The following AGTPBP1 variants were observed in gnomAD, a reference collection of about 807,000 sequenced individuals.
AGTPBP1 encodes cytosolic carboxypeptidase 1.
In AGTPBP1, 70 loss-of-function variants were observed where a neutral mutation model predicts 143.9. The ratio of observed to expected loss-of-function variants is 0.49; its 90% CI spans 0.40 to 0.59. The LOEUF (loss-of-function observed/expected upper bound fraction) is 0.59, where lower values mean the gene tolerates loss of function less well. AGTPBP1 is among the 20% of genes least tolerant of loss of function. The pLI is 0.00. For missense variants in AGTPBP1, 1,229 were observed against 1,464.5 expected, an observed-to-expected ratio of 0.84 and a Z score of 2.62; for synonymous variants, 463 against 500.2, an observed-to-expected ratio of 0.93 and a Z score of 0.99.
At chr9:85,698,514 A>G (rs758500631) in intron 2 of AGTPBP1, among the ~76,000 whole-genome samples, 4 of 152,074 alleles carry the variant, frequency 2.6e-5, no homozygotes, top group Non-Finnish European at 5.9e-5. Context: ...ACCAGAGGGC[A>G]GCTCTACCAT....
chr9:85,739,322 G>A (rs1824053959), intron 1 of AGTPBP1, among the ~76,000 whole-genome samples: 1 of 152,192 alleles, frequency 6.6e-6, no homozygotes, highest in African/African-American at 2.4e-5. Flanking sequence ...TGCATCCATT[G>A]CTATTCACGC....
chr9:85,671,387 A>AG (rs1172726530), intron 7 of AGTPBP1, among the ~76,000 whole-genome samples: 1 of 152,068 alleles, frequency 6.6e-6, no homozygotes, highest in Non-Finnish European at 1.5e-5. Flanking sequence ...TTCATTGGTT[A>AG]GATATCTAAT....
chr9:85,781,342 C>T, the AGTPBP1 span: 50 of 1,562,514 alleles, frequency 3.2e-5, no homozygotes, highest in Non-Finnish European at 3.8e-5. Context: ...GGAAGCAATT[C>T]GGCGGCAACT....
intron 1 of AGTPBP1, among the ~76,000 whole-genome samples, chr9:85,713,486 G>A (rs532671255): frequency 2.0e-5 from 3 of 152,268 alleles, no homozygotes; most frequent in African/African-American, 4.8e-5. Context: ...AGCCAAGATC[G>A]TACCATTGTA....
At chr9:85,705,700 G>GT (rs1009729505) in intron 2 of AGTPBP1, among the ~76,000 whole-genome samples, 2 of 151,642 alleles carry the variant, frequency 1.3e-5, no homozygotes, top group Admixed American at 6.6e-5. Context: ...GTTTTTTTGG[G>GT]TTTTTTTTGA....
At chr9:85,631,028 C>T (rs1831642277) in intron 14 of AGTPBP1, among the ~76,000 whole-genome samples, 1 of 152,202 alleles carries the variant, frequency 6.6e-6, no homozygotes, top group Admixed American at 6.5e-5. Context: ...AAAAACAACC[C>T]TACCTCTATT....
rs747142693 is a variant in AGTPBP1, at chr9:85,632,938, A to G, written c.1739T>C (p.Val580Ala). The G allele has an allele frequency of 6.2e-7, 1 of 1,613,994 alleles. No individual in the cohort carries two copies. Among genetic ancestry groups the G allele is most frequent in the Non-Finnish European group, 8.5e-7 (1 of 1,180,022 alleles). ...ACPHMATCGN[V>A]LFEGRTVQLG... The stretch of plus-strand genomic sequence containing the variant: ...CTGAACTGTTCTTCCCTCAAACAGA[A>G]CATTTCCACAAGTAGCCATGTGTGG... Residue 580 changes from valine (V) to alanine (A), a missense_variant, in exon 14 of 26, where the codon GTT becomes GCT. Physicochemically the swap from Val to Ala is moderately conservative, Grantham distance 64. Around this residue, in one of 2 missense-constraint regions of AGTPBP1, gnomAD observed 743 missense variants for 812.2 expected, o/e 0.91. Transcript: ENST00000357081.
chr9:85,753,339 C>A, the AGTPBP1 span: 8 of 1,613,748 alleles, frequency 5.0e-6, no homozygotes, highest in Non-Finnish European at 6.8e-6. Flanking sequence ...GGAAGAAGGT[C>A]TAAAACCGAA....
At chr9:85,687,082 G>A (rs995886740) in intron 3 of AGTPBP1, among the ~76,000 whole-genome samples, 1 of 152,122 alleles carries the variant, frequency 6.6e-6, no homozygotes, top group Non-Finnish European at 1.5e-5. Context: ...TCGGCAGCTG[G>A]AGTGGCAATA....
At chr9:85,597,671 TGAG>T (rs1291292714) in intron 17 of AGTPBP1, among the ~76,000 whole-genome samples, 1 of 152,142 alleles carries the variant, frequency 6.6e-6, no homozygotes, top group Non-Finnish European at 1.5e-5. Flanking sequence ...TCCCATAACT[TGAG>T]TAGTTCCACC....
At chr9:85,554,959 T>C (rs1288453220) in intron 25 of AGTPBP1, among the ~76,000 whole-genome samples, 1 of 152,172 alleles carries the variant, frequency 6.6e-6, no homozygotes, top group Admixed American at 6.5e-5. Context: ...AACTGTCTTT[T>C]GGACAGAGCT....
intron 17 of AGTPBP1, among the ~76,000 whole-genome samples, chr9:85,604,419 C>T (rs1829869036): frequency 6.6e-6 from 1 of 152,162 alleles, no homozygotes; most frequent in South Asian, 2.1e-4. Flanking sequence ...GGCTTGGGTC[C>T]CCCCTAATGC....
intron 2 of AGTPBP1, among the ~76,000 whole-genome samples, chr9:85,707,292 C>G (rs138107208): frequency 0.022 from 3,333 of 152,158 alleles, 36 homozygotes; most frequent in South Asian, 0.035. Flanking sequence ...GAACGGAAAT[C>G]TTTCAAACCA....
intron 17 of AGTPBP1, among the ~76,000 whole-genome samples, chr9:85,596,856 T>C (rs598891): frequency 1 from 152,263 of 152,298 alleles, 76,114 homozygotes; most frequent in Middle Eastern, 1. Context: ...CAAAATGGCA[T>C]CTTTGCTTTC....
At chr9:85,573,122 CCT>C (rs779925753) in intron 25 of AGTPBP1, among the ~76,000 whole-genome samples, 1 of 152,226 alleles carries the variant, frequency 6.6e-6, no homozygotes, top group South Asian at 2.1e-4. Flanking sequence ...TCTCCCTCTC[CCT>C]CTCTTTCCAC....
the AGTPBP1 span, among the ~76,000 whole-genome samples, chr9:85,747,327 T>A: frequency 6.6e-6 from 1 of 152,228 alleles, no homozygotes; most frequent in Admixed American, 6.5e-5. Context: ...ACCTTGCTCT[T>A]CTTTTTCAAG....
chr9:85,761,855 A>C, the AGTPBP1 span, among the ~76,000 whole-genome samples: 1 of 152,246 alleles, frequency 6.6e-6, no homozygotes, highest in Non-Finnish European at 1.5e-5. Flanking sequence ...AAATGGGAGA[A>C]AATTTTTGCA....
intron 17 of AGTPBP1, among the ~76,000 whole-genome samples, chr9:85,601,919 G>T (rs190842649): frequency 1.3e-5 from 2 of 152,082 alleles, no homozygotes; most frequent in East Asian, 3.9e-4. Flanking sequence ...AATTACAGGG[G>T]CCACATTACT....
intron 25 of AGTPBP1, among the ~76,000 whole-genome samples, chr9:85,549,310 G>T (rs913887294): frequency 6.6e-6 from 1 of 152,168 alleles, no homozygotes; most frequent in Admixed American, 6.5e-5. Flanking sequence ...AGATAGACAA[G>T]AAGTGGCCAG....
Sources: gnomAD v4.1 joint callset for allele counts (sites outside exome capture counted in the v4.1 genomes callset) on GRCh38, gnomAD v4.1.1 for gene constraint, gnomAD v4.1.1 regional missense constraint, MANE v1.5 for transcripts, NCBI Gene and HGNC (gene_info 2026-07-23, HGNC 2026-07-21) for gene names.